Variants in ASIC5 observed in about 807,000 individuals in gnomAD.
ASIC5 encodes the protein bile acid-sensitive ion channel.
ASIC5 carries 52 observed loss-of-function variants against 51.2 expected under a neutral mutation model. The ratio of observed to expected loss-of-function variants is 1.02; its 90% CI spans 0.81 to 1.28. ASIC5 has a LOEUF of 1.28. Ranked by LOEUF, ASIC5 falls within the 50% of genes most tolerant of loss-of-function variation. The pLI is 0.00. For missense variants in ASIC5, 635 were observed against 595.0 expected (o/e 1.07, Z -0.70); for synonymous variants, 231 against 200.7 (o/e 1.15, Z -1.28).
At chr4:155,849,034 A>T (rs1382756035) in intron 4 of ASIC5, among the ~76,000 whole-genome samples, 1 of 152,088 alleles carries the variant, frequency 6.6e-6, no homozygotes, top group African/African-American at 2.4e-5. Context: ...TTATTTGCAT[A>T]AGTGCAATAA....
intron 5 of ASIC5, among the ~76,000 whole-genome samples, chr4:155,843,125 A>G (rs1466456018): frequency 6.6e-6 from 1 of 152,124 alleles, no homozygotes; most frequent in African/African-American, 2.4e-5. Flanking sequence ...TTAGGTTTGA[A>G]GGCAGGGTTT....
At chr4:155,859,967 G>A (rs933958844) in intron 2 of ASIC5, among the ~76,000 whole-genome samples, 20 of 152,014 alleles carry the variant, frequency 1.3e-4, no homozygotes, top group African/African-American at 4.8e-4. Flanking sequence ...TTTGTAGCTA[G>A]AGTGAAGTTC....
chr4:155,863,362 A>G (rs1741763622), intron 2 of ASIC5, 86 bp downstream of exon 2: 1 of 1,096,568 alleles, frequency 9.1e-7, no homozygotes, highest in Non-Finnish European at 1.3e-6. Flanking sequence ...TAAGTTCCAC[A>G]TGAGAAAACT....
intron 4 of ASIC5, among the ~76,000 whole-genome samples, chr4:155,847,166 A>G (rs1446104785): frequency 3.3e-5 from 5 of 152,094 alleles, no homozygotes; most frequent in Admixed American, 3.3e-4. Flanking sequence ...AAAAAACCAA[A>G]AACTTTAATA....
At position 155,844,496 on chromosome 4, in the gene ASIC5, A is replaced by C. The variant is rs184441791; in HGVS notation, c.712-666T>G. Among the ~76,000 whole-genome samples, 388 of 152,214 alleles carry C rather than the reference A, an allele frequency of 2.5e-3. 1 individual carries two copies. The highest frequency in any genetic ancestry group is 6.0e-3 in the Admixed American group (91 of 15,270). Reference sequence around the variant, plus strand: ...TTCTTTTTAAAGAACTAAAGTTAGCATTAACAACCAGCTGATGTTAATTTC... The same window carrying C: ...TTCTTTTTAAAGAACTAAAGTTAGCCTTAACAACCAGCTGATGTTAATTTC... On this transcript the variant is annotated intron_variant, in intron 4 of 9. Transcript: ENST00000537611.
At chr4:155,860,040 T>C (rs1339497778) in intron 2 of ASIC5, among the ~76,000 whole-genome samples, 1 of 152,014 alleles carries the variant, frequency 6.6e-6, no homozygotes, top group Non-Finnish European at 1.5e-5. Context: ...TTAAGTAGAA[T>C]AATGAAAGTT....
At chr4:155,866,147 G>C (rs762749784) in intron 1 of ASIC5, 40 bp downstream of exon 1, 15 of 1,378,116 alleles carry the variant, frequency 1.1e-5, no homozygotes, top group Middle Eastern at 1.8e-4. Flanking sequence ...CTCTAGAAAT[G>C]AAAAATATTA....
intron 1 of ASIC5, 38 bp from the exon 2 acceptor site, chr4:155,863,792 A>T: frequency 6.6e-7 from 1 of 1,524,158 alleles, no homozygotes; most frequent in Non-Finnish European, 8.9e-7. Flanking sequence ...AACAAAAAAA[A>T]GTAATTAGGA....
intron 2 of ASIC5, among the ~76,000 whole-genome samples, chr4:155,855,686 T>A (rs902451989): frequency 2.7e-5 from 4 of 149,252 alleles, no homozygotes; most frequent in African/African-American, 9.8e-5. Flanking sequence ...CTTTATATTA[T>A]ATTATCTTAT....
intron 4 of ASIC5, among the ~76,000 whole-genome samples, chr4:155,847,225 A>C (rs1318848273): frequency 6.6e-6 from 1 of 152,072 alleles, no homozygotes; most frequent in Admixed American, 6.6e-5. Context: ...TTAGGAAAAA[A>C]ACTGAGATAA....
At position 155,863,450 on chromosome 4, in the gene ASIC5, G is replaced by T. The variant is rs780911260; in HGVS notation, c.345C>A (p.Asn115Lys). The T allele has an allele frequency of 6.2e-7, 1 of 1,609,002 alleles. No individual in the cohort carries two copies. Among genetic ancestry groups the T allele is most frequent in the South Asian group, 1.1e-5 (1 of 90,688 alleles). The change falls in exon 2 of 10, where the codon AAC becomes AAA. Residue 115 changes from asparagine (N) to lysine (K), a missense_variant and splice_region_variant. By Grantham distance (94) the Asn-to-Lys change is moderately conservative. Coordinates refer to ENST00000537611, the MANE Select transcript of ASIC5 (RefSeq NM_017419.3). ...EFPAVTFCNL[N>K]RFQTDAVAKF... ...ATTTTTAAAAAAGTAATTTTTACCTGTTCAAATTACAAAATGTCACAGCTG... is the reference window on the plus strand; with the variant it reads ...ATTTTTAAAAAAGTAATTTTTACCTTTTCAAATTACAAAATGTCACAGCTG...
At chr4:155,850,955 A>G (rs1264926329) in intron 4 of ASIC5, among the ~76,000 whole-genome samples, 5 of 152,062 alleles carry the variant, frequency 3.3e-5, no homozygotes, top group Non-Finnish European at 7.4e-5. Context: ...AATATCGTCT[A>G]TGAATGGATC....
intron 4 of ASIC5, among the ~76,000 whole-genome samples, chr4:155,850,344 C>G (rs1326665261): frequency 6.6e-6 from 1 of 151,944 alleles, no homozygotes; most frequent in South Asian, 2.1e-4. Flanking sequence ...CCCCACCTTT[C>G]TGGATAAAAC....
chr4:155,861,283 T>A (rs1456087145), intron 2 of ASIC5, among the ~76,000 whole-genome samples: 5 of 151,958 alleles, frequency 3.3e-5, no homozygotes, highest in African/African-American at 1.2e-4. Context: ...TTTATAAAGA[T>A]GTTTAAGTCT....
chr4:155,831,721 C>T, intron 9 of ASIC5, 103 bp downstream of exon 9: 1 of 673,258 alleles, frequency 1.5e-6, no homozygotes, highest in Non-Finnish European at 2.5e-6. Context: ...TTGCAGTAAG[C>T]CAAGATGGCG....
chr4:155,837,028 T>A (rs1033583017), intron 7 of ASIC5, among the ~76,000 whole-genome samples, 171 bp from the exon 8 acceptor site: 11 of 152,168 alleles, frequency 7.2e-5, no homozygotes, highest in Admixed American at 6.6e-4. Flanking sequence ...GCAGAGGAGA[T>A]ACAATATAAG....
intron 4 of ASIC5, among the ~76,000 whole-genome samples, chr4:155,850,216 G>T (rs950248992): frequency 6.6e-6 from 1 of 151,870 alleles, no homozygotes; most frequent in Non-Finnish European, 1.5e-5. Context: ...TGCTCACTGA[G>T]ATGAATGCCT....
At chr4:155,835,430 A>G (rs1020733130) in intron 8 of ASIC5, among the ~76,000 whole-genome samples, 6 of 151,918 alleles carry the variant, frequency 3.9e-5, no homozygotes, top group African/African-American at 1.4e-4. Context: ...AAAAAAAAGA[A>G]AAAAAAACAG....
intron 7 of ASIC5, 52 bp from the exon 8 acceptor site, chr4:155,836,909 G>T: frequency 7.6e-7 from 1 of 1,324,024 alleles, no homozygotes; most frequent in Non-Finnish European, 1.0e-6. Context: ...ATTTCATCAT[G>T]GGTAGGATAG....
Sources: gnomAD v4.1 joint callset for allele counts (sites outside exome capture counted in the v4.1 genomes callset) on GRCh38, gnomAD v4.1.1 for gene constraint, MANE v1.5 for transcripts, NCBI Gene and HGNC (gene_info 2026-07-23, HGNC 2026-07-21) for gene names.